NBEA: variants seen among roughly 807,000 people sequenced by gnomAD.
NBEA encodes neurobeachin.
A neutral mutation model predicts 343.4 loss-of-function variants in NBEA; 44 were observed. The ratio of observed to expected loss-of-function variants is 0.13; its 90% CI spans 0.10 to 0.16. The LOEUF is 0.16. NBEA is among the 10% of genes least tolerant of loss of function. NBEA has a pLI of 1.00. For missense variants in NBEA, 2,555 were observed against 3,631.3 expected, an observed-to-expected ratio of 0.70 and a Z score of 7.62; for synonymous variants, 1,175 against 1,238.7, an observed-to-expected ratio of 0.95 and a Z score of 1.08.
intron 10 of NBEA, among the ~76,000 whole-genome samples, chr13:35,083,308 T>C (rs1356543060): frequency 6.6e-6 from 1 of 152,156 alleles, no homozygotes; most frequent in Admixed American, 6.6e-5. Flanking sequence ...CCATGCTGTT[T>C]TGCTTACTGT....
intron 41 of NBEA, among the ~76,000 whole-genome samples, chr13:35,516,668 T>G (rs2077497457): frequency 6.6e-6 from 1 of 152,216 alleles, no homozygotes; most frequent in African/African-American, 2.4e-5. Flanking sequence ...TTTGCTAGTT[T>G]TGATATGTGT....
At chr13:35,228,071 T>TA (rs2074761945) in intron 33 of NBEA, among the ~76,000 whole-genome samples, 1 of 152,106 alleles carries the variant, frequency 6.6e-6, no homozygotes, top group African/African-American at 2.4e-5. Context: ...TGGGTTTTCA[T>TA]ACATTATTTT....
intron 30 of NBEA, among the ~76,000 whole-genome samples, chr13:35,185,143 A>T (rs558264600): frequency 8.5e-5 from 13 of 152,242 alleles, no homozygotes; most frequent in African/African-American, 3.1e-4. Flanking sequence ...TGACCATCTT[A>T]TTGCTTAGAT....
intron 35 of NBEA, among the ~76,000 whole-genome samples, chr13:35,308,504 A>ATATATATGTG (rs1435193926): frequency 8.6e-6 from 1 of 115,614 alleles, no homozygotes; most frequent in Non-Finnish European, 1.7e-5. Flanking sequence ...ATATGTGTAT[A>ATATATATGTG]TATATATGTG....
At chr13:35,150,267 A>C (rs942594178) in intron 18 of NBEA, among the ~76,000 whole-genome samples, 1 of 152,232 alleles carries the variant, frequency 6.6e-6, no homozygotes, top group Non-Finnish European at 1.5e-5. Flanking sequence ...AAGTGTACAA[A>C]ATGCCAAAAG....
intron 18 of NBEA, among the ~76,000 whole-genome samples, chr13:35,144,917 G>A (rs1382599566): frequency 6.6e-6 from 1 of 152,196 alleles, no homozygotes; most frequent in Non-Finnish European, 1.5e-5. Flanking sequence ...TAATAAGAGA[G>A]CTATTAAAGG....
chr13:35,389,970 AGTGTGTGT>A (rs10523765), intron 38 of NBEA, among the ~76,000 whole-genome samples: 10 of 138,046 alleles, frequency 7.2e-5, no homozygotes, highest in East Asian at 2.2e-4. Flanking sequence ...TCTTTTGTAG[AGTGTGTGT>A]GTGTGTGTGT....
chr13:35,015,133 AAAAAAACAAAC>A lies in NBEA; in HGVS notation c.295-25793_295-25783del, dbSNP rs1295986693. ...ACAAAAAGCAACGAGATCTGAAAAA[AAAAAAACAAAC>A]AAAAAAAAAAAACCACACACAAAGC... On this transcript the variant is annotated intron_variant, in intron 1 of 58. Coordinates refer to ENST00000379939, the MANE Select transcript of NBEA (RefSeq NM_001385012.1). Among the ~76,000 whole-genome samples the A allele has an allele frequency of 8.1e-3, 1,067 of 131,290 alleles. 66 individuals carry two copies. Among genetic ancestry groups the A allele is most frequent in the African/African-American group, 0.03 (1,028 of 34,614 alleles). The allele number at this position is 131,290 out of a possible 152,430, so 86.1% of individuals were successfully genotyped here.
At chr13:34,993,317 T>C (rs2152518171) in intron 1 of NBEA, among the ~76,000 whole-genome samples, 1 of 152,254 alleles carries the variant, frequency 6.6e-6, no homozygotes, top group East Asian at 1.9e-4. Flanking sequence ...TTTTCTCTTT[T>C]GTAGAATTTC....
Position 35,289,328 on chromosome 13 carries a change from A to T in NBEA, c.5777-1061A>T, listed in dbSNP as rs184414700. ...AACTATGAATGTTCTTGTTACACAG[A>T]AGTTATTTTTGAAAGAGGAAAAATC... is the stretch of plus-strand genomic sequence containing the variant. On this transcript the variant is annotated intron_variant, in intron 34 of 58. Transcript: ENST00000379939. Among the ~76,000 whole-genome samples the T allele has an allele frequency of 2.7e-3, 417 of 152,030 alleles. 3 individuals carry two copies. The highest frequency in any genetic ancestry group is 3.7e-3 in the Non-Finnish European group (248 of 67,832).
chr13:35,406,255 A>T (rs199532076), intron 38 of NBEA, among the ~76,000 whole-genome samples: 3 of 150,790 alleles, frequency 2.0e-5, no homozygotes, highest in Non-Finnish European at 2.9e-5. Context: ...ATTTTTCCTC[A>T]ATGGCTTCAC....
intron 41 of NBEA, among the ~76,000 whole-genome samples, chr13:35,499,565 C>A (rs930691507): frequency 1.3e-5 from 2 of 151,922 alleles, no homozygotes; most frequent in Non-Finnish European, 2.9e-5. Context: ...TGTTTGCTAC[C>A]CTTATTTGCT....
chr13:34,976,224 C>G (rs1391830560), intron 1 of NBEA, among the ~76,000 whole-genome samples: 2 of 152,106 alleles, frequency 1.3e-5, no homozygotes, highest in African/African-American at 4.8e-5. Flanking sequence ...GCATAAATAC[C>G]ATGGTATACT....
rs575250862 is a variant in NBEA at position 35,218,111 on chromosome 13, G to A, written c.5648+6932G>A. 2.6e-5 allele frequency among the ~76,000 whole-genome samples: 4 copies of A among 152,138 alleles called. No individual in the cohort carries two copies. The South Asian group carries it at 8.3e-4, about 32-fold the overall frequency. On this transcript the variant is annotated intron_variant, in intron 33 of 58. Transcript: ENST00000379939. ...CCATAAAGGAAACATGGATGATGGGGGAGCTCACCTCATTGGTTTCCCTGT... is the reference window on the plus strand; with the variant it reads ...CCATAAAGGAAACATGGATGATGGGAGAGCTCACCTCATTGGTTTCCCTGT...
At chr13:35,404,332 A>G (rs895201915) in intron 38 of NBEA, among the ~76,000 whole-genome samples, 11 of 151,796 alleles carry the variant, frequency 7.2e-5, no homozygotes, top group Admixed American at 6.6e-4. Flanking sequence ...TATTCATAAT[A>G]GCAAAGACTT....
At chr13:35,506,982 C>A (rs746255726) in intron 41 of NBEA, among the ~76,000 whole-genome samples, 182 of 152,202 alleles carry the variant, frequency 1.2e-3, no homozygotes, top group Non-Finnish European at 1.4e-3. Context: ...CTACTGTCCC[C>A]CTTGTCCCCC....
intron 33 of NBEA, among the ~76,000 whole-genome samples, chr13:35,215,226 A>G (rs1294849599): frequency 6.6e-6 from 1 of 151,706 alleles, no homozygotes; most frequent in Non-Finnish European, 1.5e-5. Context: ...GAACCTTTTA[A>G]TTTGAGGAGA....
intron 48 of NBEA, among the ~76,000 whole-genome samples, chr13:35,614,842 A>C (rs755452219): frequency 1.3e-5 from 2 of 152,130 alleles, no homozygotes; most frequent in Non-Finnish European, 2.9e-5. Flanking sequence ...GCTGCAAATC[A>C]GAATGGATAC....
intron 1 of NBEA, among the ~76,000 whole-genome samples, chr13:35,013,818 T>C (rs1430170260): frequency 6.6e-6 from 1 of 152,180 alleles, no homozygotes. Flanking sequence ...TTGCTTTTAG[T>C]TTTTAATTTT....
Sources: allele counts gnomAD v4.1 joint callset (sites outside exome capture counted in the v4.1 genomes callset), GRCh38; gene constraint gnomAD v4.1.1; transcripts MANE v1.5; gene names NCBI Gene and HGNC (gene_info 2026-07-23, HGNC 2026-07-21).